Variants in SUGP1 observed in about 807,000 individuals in gnomAD.
The protein encoded by SUGP1 is SURP and G-patch domain-containing protein 1.
Under a neutral mutation model 76.5 loss-of-function variants are expected in SUGP1, and 34 were observed. That is an observed-to-expected ratio of 0.44 (90% CI 0.34 to 0.59). The LOEUF (loss-of-function observed/expected upper bound fraction) is 0.59, where lower values mean the gene tolerates loss of function less well. Ranked by LOEUF, SUGP1 falls within the 20% of genes least tolerant of loss-of-function variation. The pLI, the probability that SUGP1 is intolerant of heterozygous loss-of-function variation, is 0.01. For synonymous variants in SUGP1, 326 were observed against 326.2 expected (o/e 1.00, Z 0.01); for missense variants, 752 against 851.7 (o/e 0.88, Z 1.46).
chr19:19,305,218 AC>A (rs1176885427), intron 4 of SUGP1, among the ~76,000 whole-genome samples: 2 of 152,068 alleles, frequency 1.3e-5, no homozygotes, highest in Non-Finnish European at 2.9e-5. Flanking sequence ...GGGTGATGTG[AC>A]CTCACCGGCT....
intron 11 of SUGP1, 152 bp downstream of exon 11, chr19:19,278,538 T>C (rs1599842996): frequency 4.7e-6 from 3 of 636,686 alleles, no homozygotes; most frequent in Non-Finnish European, 8.4e-6. Flanking sequence ...AGACGGCGCC[T>C]GTCATTAACA....
intron 7 of SUGP1, 47 bp from the exon 8 acceptor site, chr19:19,297,391 C>G (rs962676699): frequency 2.7e-5 from 33 of 1,236,882 alleles, no homozygotes; most frequent in Non-Finnish European, 3.4e-5. Flanking sequence ...GCCCGAGGCC[C>G]TGTCCCTGAT....
At chr19:19,284,875 GTTT>G (rs756645152) in intron 8 of SUGP1, among the ~76,000 whole-genome samples, 4 of 129,764 alleles carry the variant, frequency 3.1e-5, no homozygotes, top group Non-Finnish European at 3.4e-5. Flanking sequence ...AAACAGGTTT[GTTT>G]TTTTTTTTTT....
chr19:19,293,558 A>G (rs2061202045), intron 8 of SUGP1, among the ~76,000 whole-genome samples: 1 of 148,228 alleles, frequency 6.7e-6, no homozygotes, highest in Non-Finnish European at 1.5e-5. Context: ...CAGCCTGCAC[A>G]TCAGAGAAAG....
chr19:19,316,398 A>G, intron 2 of SUGP1, 24 bp downstream of exon 2: 1 of 1,613,498 alleles, frequency 6.2e-7, no homozygotes. Context: ...TCCAGGCCCC[A>G]TCCAGGCCCC....
chr19:19,304,108 T>A (rs927269517), intron 4 of SUGP1: 126 of 1,317,542 alleles, frequency 9.6e-5, no homozygotes, highest in Non-Finnish European at 1.2e-4. Context: ...AGAAAATATA[T>A]CCAGCTTCCC....
intron 3 of SUGP1, among the ~76,000 whole-genome samples, chr19:19,309,642 G>C (rs767527222): frequency 2.6e-5 from 4 of 152,192 alleles, no homozygotes; most frequent in Non-Finnish European, 4.4e-5. Flanking sequence ...CGGGCACAGT[G>C]GCTCACGCCT....
intron 6 of SUGP1, 68 bp from the exon 7 acceptor site, chr19:19,302,456 C>T: frequency 6.4e-7 from 1 of 1,573,986 alleles, no homozygotes; most frequent in Non-Finnish European, 8.6e-7. Context: ...GCTAAGAACC[C>T]CAAGGGCAAC....
At chr19:19,288,089 A>G (rs1179484453) in intron 8 of SUGP1, among the ~76,000 whole-genome samples, 1 of 152,048 alleles carries the variant, frequency 6.6e-6, no homozygotes, top group East Asian at 1.9e-4. Context: ...CTCGGGAGGC[A>G]GAGGTTACAG....
chr19:19,296,994 A>G lies in SUGP1; in HGVS notation c.1238T>C (p.Leu413Pro). Residue 413 changes from leucine (L) to proline (P), a missense_variant, in exon 8 of 14, where the codon CTG becomes CCG. Physicochemically the swap from Leu to Pro is moderately conservative, Grantham distance 98. This residue lies in a region of SUGP1 where 620 missense variants were observed against 617.3 expected (regional missense o/e 1.00). Transcript: ENST00000247001. ...GGGGGAGAGGGTCTGCCCACCTGAC[A>G]GAGGCGAGGGAGAGGCATCCACGTC... ...QRDVDASPSPLSVQDLKGLGY... is the reference protein window; with the variant it reads ...QRDVDASPSPPSVQDLKGLGY... The G allele has an allele frequency of 6.4e-7, 1 of 1,573,560 alleles. No homozygotes were observed.
At chr19:19,280,590 TAACGAGTG>T in intron 8 of SUGP1, 1 of 368,742 alleles carries the variant, frequency 2.7e-6, no homozygotes, top group South Asian at 4.6e-5. Flanking sequence ...GTCACACAGC[TAACGAGTG>T]ACAGGGCAGG....
Position 19,278,675 on chromosome 19 carries a change from C to G in SUGP1, c.1635+15G>C, listed in dbSNP as rs776436908. Reference sequence around the variant, plus strand: ...CATGTGGCAGAGGCTGGAGCTAGGGCCCCTCCTGGCTCACCTTCAGGGCCT... The same window carrying G: ...CATGTGGCAGAGGCTGGAGCTAGGGGCCCTCCTGGCTCACCTTCAGGGCCT... On this transcript the variant is annotated intron_variant, in intron 11 of 13. Coordinates refer to ENST00000247001, the MANE Select transcript of SUGP1 (RefSeq NM_172231.4). 6.2e-7 allele frequency: 1 copy of G among 1,601,068 alleles called. No individual in the cohort carries two copies. Among genetic ancestry groups the G allele is most frequent in the Non-Finnish European group, 8.5e-7 (1 of 1,173,380 alleles).
chr19:19,303,632 C>T (rs1403845091), intron 5 of SUGP1, 92 bp downstream of exon 5: 9 of 1,510,916 alleles, frequency 6.0e-6, no homozygotes, highest in South Asian at 1.1e-5. Flanking sequence ...GAACAGCATC[C>T]GGCCCACACT....
rs769033669 is a variant in SUGP1, at chr19:19,303,403, C to G, written c.708G>C (p.Lys236Asn). The G allele has an allele frequency of 6.2e-7, 1 of 1,614,208 alleles. No individual in the cohort carries two copies. The highest frequency in any genetic ancestry group is 8.5e-7 in the Non-Finnish European group (1 of 1,180,050). ...CTTCCTTTCTTATCTCAGCCACCTT[C>G]TTCCTGTAGTAGAGGAATTCCCTGC... ...KNSREFLYYR[K>N]KVAEIRKEAQ... The change falls in exon 6 of 14, where the codon AAG becomes AAC. Residue 236 changes from lysine (K) to asparagine (N), a missense_variant. Around this residue, in one of 2 missense-constraint regions of SUGP1, gnomAD observed 620 missense variants for 617.3 expected, o/e 1.00. Transcript: ENST00000247001.
chr19:19,310,268 G>A, intron 2 of SUGP1, 68 bp from the exon 3 acceptor site: 2 of 1,169,018 alleles, frequency 1.7e-6, no homozygotes, highest in Non-Finnish European at 2.6e-6. Context: ...CAGAGGACGA[G>A]GATGAGGATG....
chr19:19,318,113 C>CTTTTCTTTT (rs55849619), intron 1 of SUGP1, among the ~76,000 whole-genome samples: 1,448 of 97,554 alleles, frequency 0.015, 163 homozygotes, highest in African/African-American at 0.046. Context: ...ACCCAGCCTT[C>CTTTTCTTTT]TTTTTTTTTT....
At chr19:19,282,718 T>G (rs1198760896) in intron 8 of SUGP1, among the ~76,000 whole-genome samples, 1 of 152,234 alleles carries the variant, frequency 6.6e-6, no homozygotes, top group Admixed American at 6.5e-5. Flanking sequence ...TTTTGGAGAT[T>G]TGCAACAATT....
intron 8 of SUGP1, among the ~76,000 whole-genome samples, chr19:19,282,880 A>C (rs575798628): frequency 9.8e-5 from 15 of 152,342 alleles, no homozygotes; most frequent in East Asian, 3.9e-4. Context: ...GATCGAGACC[A>C]TCCTGGCTAA....
Position 19,297,013 on chromosome 19 carries a change from C to T in SUGP1, c.1219G>A (p.Asp407Asn). 1 of 1,588,056 alleles carries T rather than the reference C, an allele frequency of 6.3e-7. No individual in the cohort carries two copies. ...PPAELVQRDVDASPSPLSVQD... is the reference protein window; with the variant it reads ...PPAELVQRDVNASPSPLSVQD... ...CCTGACAGAGGCGAGGGAGAGGCAT[C>T]CACGTCCCTCTGCACCAGTTCAGCA... is the stretch of plus-strand genomic sequence containing the variant. The change falls in exon 8 of 14, where the codon GAT becomes AAT. Residue 407 changes from aspartate to asparagine, a missense_variant. This residue lies in a region of SUGP1 where 620 missense variants were observed against 617.3 expected (regional missense o/e 1.00). Transcript: ENST00000247001.
Sources: gnomAD v4.1 joint callset for allele counts (sites outside exome capture counted in the v4.1 genomes callset) on GRCh38, gnomAD v4.1.1 for gene constraint, gnomAD v4.1.1 regional missense constraint, MANE v1.5 for transcripts, NCBI Gene and HGNC (gene_info 2026-07-23, HGNC 2026-07-21) for gene names.